Variants in TCF7L1 observed in about 807,000 individuals in gnomAD.
The protein encoded by TCF7L1 is transcription factor 7-like 1.
TCF7L1 carries 18 observed loss-of-function variants against 63.7 expected under a neutral mutation model. The observed-to-expected ratio is 0.28, with a 90% CI of 0.20 to 0.42. The LOEUF is 0.42. Among genes scored for constraint, TCF7L1 ranks in the 10% least tolerant of loss-of-function variants. The probability of loss-of-function intolerance (pLI) is 1.00; values close to 1 mark genes in which losing one functional copy is unlikely to be tolerated. For missense variants in TCF7L1, 654 were observed against 779.3 expected (o/e 0.84, Z 1.91); for synonymous variants, 355 against 340.9 (o/e 1.04, Z -0.46).
chr2:85,220,351 CT>C (rs1024067715), intron 3 of TCF7L1, among the ~76,000 whole-genome samples: 8 of 151,144 alleles, frequency 5.3e-5, no homozygotes, highest in African/African-American at 1.9e-4. Context: ...ACTTTCTGTA[CT>C]TAAAAAAAAA....
At chr2:85,160,281 A>G (rs1678255467) in intron 3 of TCF7L1, among the ~76,000 whole-genome samples, 1 of 152,120 alleles carries the variant, frequency 6.6e-6, no homozygotes, top group Non-Finnish European at 1.5e-5. Context: ...TCTTCTGAGA[A>G]ATGTCCTTGG....
intron 3 of TCF7L1, among the ~76,000 whole-genome samples, chr2:85,242,008 A>T (rs1318944048): frequency 2.9e-5 from 2 of 69,548 alleles, no homozygotes; most frequent in South Asian, 9.4e-4. Context: ...TTTTGGGCGG[A>T]GGGGGGCGGT....
chr2:85,279,686 C>T (rs543583933), intron 3 of TCF7L1, among the ~76,000 whole-genome samples: 1 of 152,266 alleles, frequency 6.6e-6, no homozygotes, highest in East Asian at 1.9e-4. Flanking sequence ...ATCTCCAAAA[C>T]TTAAAAAGAC....
At chr2:85,215,767 TGG>T (rs1380022989) in intron 3 of TCF7L1, among the ~76,000 whole-genome samples, 111 of 15,316 alleles carry the variant, frequency 7.2e-3, no homozygotes, top group Non-Finnish European at 7.4e-3. Flanking sequence ...GGGGTGGGGG[TGG>T]GGGGGGGTGA....
At chr2:85,188,730 A>G (rs1472343520) in intron 3 of TCF7L1, among the ~76,000 whole-genome samples, 5 of 152,236 alleles carry the variant, frequency 3.3e-5, no homozygotes, top group Non-Finnish European at 7.3e-5. Context: ...AAATAAATGT[A>G]AACAAAAGCA....
Position 85,134,217 on chromosome 2 carries a change from C to G in TCF7L1, c.314-106C>G. ...TTTATTGGCGGCAGCCCCCGTGGGG[C>G]GCGCGTGGGGGGCGCTGGGGTCCCC... is the stretch of plus-strand genomic sequence containing the variant. On this transcript the variant is annotated intron_variant, in intron 2 of 11. Transcript: ENST00000282111. The surrounding 1 kb of genome is among the most constrained non-coding windows in gnomAD (Gnocchi z 5.0). The G allele has an allele frequency of 2.0e-6, 3 of 1,479,010 alleles. No homozygotes were observed. Among genetic ancestry groups the G allele is most frequent in the Non-Finnish European group, 2.7e-6 (3 of 1,112,960 alleles). The allele number at this position is 1,479,010 out of a possible 1,614,324, so 91.6% of individuals were successfully genotyped here. A position where few individuals can be genotyped will look rare whatever the true frequency, so the allele number is the denominator to read the frequency against.
Position 85,231,712 on chromosome 2 carries a change from G to A in TCF7L1, c.442-51783G>A, listed in dbSNP as rs74958793. Among the ~76,000 whole-genome samples, 195 of 152,286 alleles carry A rather than the reference G, an allele frequency of 1.3e-3. 2 individuals are homozygous for A. The highest frequency in any genetic ancestry group is 4.3e-3 in the African/African-American group (179 of 41,566). On this transcript the variant is annotated intron_variant, in intron 3 of 11. Transcript: ENST00000282111. The stretch of plus-strand genomic sequence containing the variant: ...CCCCCAAAAGTTATTGTCCACATGT[G>A]TAACTGTCCCTCCCACCATGTCCCC...
At chr2:85,151,910 C>T (rs1452043807) in intron 3 of TCF7L1, among the ~76,000 whole-genome samples, 2 of 152,192 alleles carry the variant, frequency 1.3e-5, no homozygotes, top group African/African-American at 4.8e-5. Flanking sequence ...AATTTAAATG[C>T]CTCATTCTTT....
intron 4 of TCF7L1, among the ~76,000 whole-genome samples, chr2:85,291,830 C>CA: frequency 1.3e-5 from 2 of 152,222 alleles, no homozygotes; most frequent in Middle Eastern, 6.8e-3. Flanking sequence ...CTCAGCCTCC[C>CA]AAGTAGCTAG....
At chr2:85,282,665 C>T (rs528042530) in intron 3 of TCF7L1, among the ~76,000 whole-genome samples, 4 of 152,200 alleles carry the variant, frequency 2.6e-5, no homozygotes, top group Admixed American at 2.0e-4. Flanking sequence ...AGAGTAAGAG[C>T]CTGAACCCAT....
chr2:85,261,306 C>T lies in TCF7L1; in HGVS notation c.442-22189C>T, dbSNP rs1434835994. ...CTGTACACAAGGGCATGGTTTCTAT[C>T]GAAGTGTATTACACAGGCCAGACCT... On this transcript the variant is annotated intron_variant, in intron 3 of 11. Coordinates refer to ENST00000282111, the MANE Select transcript of TCF7L1 (RefSeq NM_031283.3). 3.3e-5 allele frequency among the ~76,000 whole-genome samples: 5 copies of T among 152,314 alleles called. No individual in the cohort carries two copies. In the East Asian group the frequency reaches 5.8e-4, roughly 18 times the overall value.
At chr2:85,276,870 TG>T (rs1278553127) in intron 3 of TCF7L1, among the ~76,000 whole-genome samples, 2 of 152,212 alleles carry the variant, frequency 1.3e-5, no homozygotes, top group East Asian at 3.9e-4. Flanking sequence ...GGAAACACCG[TG>T]TACCGCTTCT....
chr2:85,285,163 G>A (rs1001757026), intron 4 of TCF7L1, among the ~76,000 whole-genome samples: 1 of 152,104 alleles, frequency 6.6e-6, no homozygotes, highest in African/African-American at 2.4e-5. Context: ...AACCCCGGAG[G>A]CGGAGCTGAT....
At chr2:85,195,361 G>A (rs1293941094) in intron 3 of TCF7L1, among the ~76,000 whole-genome samples, 1 of 152,182 alleles carries the variant, frequency 6.6e-6, no homozygotes, top group Non-Finnish European at 1.5e-5. Flanking sequence ...GAGGCAAGAG[G>A]ATCACTGGAG....
intron 3 of TCF7L1, among the ~76,000 whole-genome samples, chr2:85,258,757 G>T (rs1680783579): frequency 6.6e-6 from 1 of 152,128 alleles, no homozygotes; most frequent in East Asian, 1.9e-4. Context: ...TGGGGTTGGG[G>T]GGGCTGTCTG....
intron 3 of TCF7L1, among the ~76,000 whole-genome samples, chr2:85,194,965 G>A (rs561453746): frequency 9.2e-4 from 140 of 152,338 alleles, no homozygotes; most frequent in Non-Finnish European, 9.6e-4. Flanking sequence ...TACATCAGAG[G>A]CCTCTTTCAG....
At chr2:85,155,861 G>C (rs552609478) in intron 3 of TCF7L1, among the ~76,000 whole-genome samples, 2 of 152,290 alleles carry the variant, frequency 1.3e-5, no homozygotes, top group East Asian at 3.9e-4. Context: ...GTTTTAGACT[G>C]TTGGGGGAGG....
In TCF7L1 at chr2:85,307,691, C is replaced by A; in HGVS notation, c.1307C>A (p.Ser436Ter). The A allele has an allele frequency of 6.2e-7, 1 of 1,613,760 alleles. No individual in the cohort carries two copies. The highest frequency in any genetic ancestry group is 1.1e-5 in the South Asian group (1 of 91,038). The change falls in exon 11 of 12, where the codon TCA (serine) becomes TAA (stop). Residue 436 changes from serine (S) to a stop codon, truncating the protein, a stop_gained. Transcript: ENST00000282111. LOFTEE classifies it high-confidence loss of function. ...KREKQLSQTQ[S>*]QQQVQEAEGA... is the part of the protein sequence containing the mutation. ...GAAAAGCAGCTGTCCCAGACACAGT[C>A]ACAGCAGCAAGTCCAGGAGGCAGAG...
At position 85,303,910 on chromosome 2, in the gene TCF7L1, C is replaced by G. The variant is rs764797186; in HGVS notation, c.674C>G (p.Pro225Arg). ...TTGGAAGCAGGAATCCCCCGGCCCC[C>G]TCACCCATCCGAGCTGTCACCGTAT... ...IDPKTGIPRPPHPSELSPYYP... is the reference protein window; with the variant it reads ...IDPKTGIPRPRHPSELSPYYP... The change falls in exon 6 of 12, where the codon CCT (proline) becomes CGT (arginine). Residue 225 changes from proline (P) to arginine (R), a missense_variant. Physicochemically the swap from Pro to Arg is moderately radical, Grantham distance 103 (BLOSUM62 -2). Around this residue, in one of 3 missense-constraint regions of TCF7L1, gnomAD observed 404 missense variants for 454.8 expected, o/e 0.89. Coordinates refer to ENST00000282111, the MANE Select transcript of TCF7L1 (RefSeq NM_031283.3). 4.0e-5 allele frequency: 65 copies of G among 1,612,790 alleles called. No individual in the cohort carries two copies. Among genetic ancestry groups the G allele is most frequent in the Middle Eastern group, 3.3e-4 (2 of 6,076 alleles).
Sources: gnomAD v4.1 joint callset for allele counts (sites outside exome capture counted in the v4.1 genomes callset) on GRCh38, gnomAD v4.1.1 for gene constraint, gnomAD v4.1.1 regional missense constraint, Gnocchi (gnomAD v3.1) non-coding constraint, MANE v1.5 for transcripts, NCBI Gene and HGNC (gene_info 2026-07-23, HGNC 2026-07-21) for gene names.